Variants in CCDC148 observed in about 807,000 individuals in gnomAD.
CCDC148 encodes the protein coiled-coil domain containing 148, also known as coiled-coil domain-containing protein 148.
In CCDC148, 89 loss-of-function variants were observed where a neutral mutation model predicts 85.7. The observed-to-expected ratio is 1.04, with a 90% CI of 0.87 to 1.24. The LOEUF (loss-of-function observed/expected upper bound fraction) is 1.24. Ranked by LOEUF, CCDC148 falls within the 50% of genes most tolerant of loss-of-function variation. CCDC148 has a pLI of 0.00. For missense variants in CCDC148, 692 were observed against 671.7 expected, an observed-to-expected ratio of 1.03 and a Z score of -0.33; for synonymous variants, 230 against 213.9, an observed-to-expected ratio of 1.08 and a Z score of -0.66.
At chr2:158,344,387 C>A (rs1228579525) in intron 3 of CCDC148, among the ~76,000 whole-genome samples, 3 of 152,064 alleles carry the variant, frequency 2.0e-5, no homozygotes, top group African/African-American at 7.2e-5. Context: ...ATAAGAAACT[C>A]ATCAACATGA....
At chr2:158,228,623 T>C (rs1021550507) in intron 10 of CCDC148, among the ~76,000 whole-genome samples, 6 of 152,134 alleles carry the variant, frequency 3.9e-5, no homozygotes, top group South Asian at 2.1e-4. Context: ...GAATACTATG[T>C]GGCCATAAAA....
intron 1 of CCDC148, among the ~76,000 whole-genome samples, chr2:158,362,179 G>A (rs1683981351): frequency 6.6e-6 from 1 of 151,874 alleles, no homozygotes; most frequent in Non-Finnish European, 1.5e-5. Context: ...CATAACACAA[G>A]TTCTTAGAGA....
intron 9 of CCDC148, among the ~76,000 whole-genome samples, chr2:158,302,857 G>A (rs902624177): frequency 6.6e-5 from 10 of 152,062 alleles, no homozygotes; most frequent in Non-Finnish European, 1.3e-4. Flanking sequence ...AGGATGCTGC[G>A]GAATTGAGTG....
intron 8 of CCDC148, among the ~76,000 whole-genome samples, chr2:158,312,747 T>C (rs1692095670): frequency 6.6e-6 from 1 of 152,138 alleles, no homozygotes; most frequent in Non-Finnish European, 1.5e-5. Context: ...AAATGAAAGT[T>C]ATTTAAAAAT....
intron 2 of CCDC148, among the ~76,000 whole-genome samples, chr2:158,353,052 G>C (rs893064432): frequency 1.3e-5 from 2 of 151,676 alleles, no homozygotes; most frequent in African/African-American, 4.9e-5. Flanking sequence ...CACCACGCCT[G>C]CCCTAAAAGA....
chr2:158,255,702 C>T (rs940852323), intron 9 of CCDC148, among the ~76,000 whole-genome samples: 2 of 151,636 alleles, frequency 1.3e-5, no homozygotes. Flanking sequence ...AAAGGCTTTG[C>T]TAATTATATA....
intron 10 of CCDC148, among the ~76,000 whole-genome samples, chr2:158,221,932 A>G (rs1687205478): frequency 1.3e-5 from 2 of 152,262 alleles, no homozygotes; most frequent in South Asian, 4.1e-4. Context: ...ACATTGATTG[A>G]CAAGGAGTGT....
chr2:158,439,879 T>A (rs1453442689), intron 1 of CCDC148, among the ~76,000 whole-genome samples: 1 of 152,186 alleles, frequency 6.6e-6, no homozygotes, highest in African/African-American at 2.4e-5. Flanking sequence ...TTTACTTTTT[T>A]ATACAAGGTA....
At chr2:158,374,191 C>T (rs909993715) in intron 1 of CCDC148, among the ~76,000 whole-genome samples, 13 of 152,060 alleles carry the variant, frequency 8.5e-5, no homozygotes, top group Admixed American at 6.6e-4. Flanking sequence ...CACATGCCCG[C>T]TTTAAAGTTT....
chr2:158,194,133 T>C (rs1451047298), intron 11 of CCDC148, among the ~76,000 whole-genome samples: 2 of 152,118 alleles, frequency 1.3e-5, no homozygotes, highest in Non-Finnish European at 2.9e-5. Context: ...CATCATTCAC[T>C]TTCTCCATTT....
chr2:158,325,944 G>GT (rs1692750209), intron 7 of CCDC148, among the ~76,000 whole-genome samples: 1 of 152,062 alleles, frequency 6.6e-6, no homozygotes, highest in Admixed American at 6.6e-5. Context: ...CAGCCCCACA[G>GT]TTTATCTTAA....
chr2:158,241,942 T>C (rs1277155767), intron 10 of CCDC148, among the ~76,000 whole-genome samples: 1 of 152,190 alleles, frequency 6.6e-6, no homozygotes, highest in Non-Finnish European at 1.5e-5. Flanking sequence ...GTTTGAACTA[T>C]TTAGGTGCTA....
At chr2:158,175,795 C>T (rs1407101150) in intron 13 of CCDC148, among the ~76,000 whole-genome samples, 1 of 151,918 alleles carries the variant, frequency 6.6e-6, no homozygotes, top group Non-Finnish European at 1.5e-5. Flanking sequence ...AATTATTTAG[C>T]TTCTCTCCTT....
At chr2:158,278,826 C>G (rs1258279156) in intron 9 of CCDC148, among the ~76,000 whole-genome samples, 2 of 152,258 alleles carry the variant, frequency 1.3e-5, no homozygotes, top group Non-Finnish European at 2.9e-5. Context: ...ACTGCCTCCT[C>G]AAGTGGGTCT....
chr2:158,227,426 T>G (rs942002415), intron 10 of CCDC148, among the ~76,000 whole-genome samples: 3 of 152,058 alleles, frequency 2.0e-5, no homozygotes, highest in Admixed American at 6.5e-5. Context: ...AAGCTACCAA[T>G]GACTTTCTTC....
chr2:158,310,143 C>T (rs1026647991), intron 8 of CCDC148, among the ~76,000 whole-genome samples: 1 of 152,172 alleles, frequency 6.6e-6, no homozygotes, highest in Non-Finnish European at 1.5e-5. Context: ...AGCACGCTGC[C>T]TTCAAGCATC....
At chr2:158,276,476 G>T in intron 9 of CCDC148, among the ~76,000 whole-genome samples, 1 of 151,168 alleles carries the variant, frequency 6.6e-6, no homozygotes, top group East Asian at 2.0e-4. Context: ...AAACTGCCTC[G>T]TTATGGGAGG....
intron 7 of CCDC148, among the ~76,000 whole-genome samples, chr2:158,329,019 C>T (rs1461023071): frequency 2.6e-5 from 4 of 152,078 alleles, no homozygotes; most frequent in South Asian, 2.1e-4. Flanking sequence ...TTTATTTTAA[C>T]TAGATCCCAT....
At chr2:158,263,327 C>T (rs1689313613) in intron 9 of CCDC148, among the ~76,000 whole-genome samples, 1 of 152,012 alleles carries the variant, frequency 6.6e-6, no homozygotes, top group Non-Finnish European at 1.5e-5. Context: ...CCCACGGAAA[C>T]TATTGCAATG....
Sources: allele counts gnomAD v4.1 joint callset (sites outside exome capture counted in the v4.1 genomes callset), GRCh38; gene constraint gnomAD v4.1.1; transcripts MANE v1.5; gene names NCBI Gene and HGNC (gene_info 2026-07-23, HGNC 2026-07-21).